Variants in SH2D4A observed in about 807,000 individuals in gnomAD.
SH2D4A encodes SH2 domain containing 4A, also known as SH2 domain-containing protein 4A.
A neutral mutation model predicts 64.7 loss-of-function variants in SH2D4A; 70 were observed. That is an observed-to-expected ratio of 1.08 (90% CI 0.89 to 1.32). The LOEUF is 1.32. Among genes scored for constraint, SH2D4A ranks in the 40% most tolerant of loss-of-function variants. The pLI, the probability that SH2D4A is intolerant of heterozygous loss-of-function variation, is 0.00. For missense variants in SH2D4A, 706 were observed against 540.1 expected (o/e 1.31, Z -3.04); for synonymous variants, 268 against 200.7 (o/e 1.34, Z -2.83).
chr8:19,343,222 C>G (rs185817678), intron 4 of SH2D4A, among the ~76,000 whole-genome samples: 2 of 151,982 alleles, frequency 1.3e-5, no homozygotes, highest in East Asian at 1.9e-4. Flanking sequence ...CCCAAGATTT[C>G]GAGACCAGCC....
At chr8:19,346,121 A>G (rs1188587549) in intron 4 of SH2D4A, among the ~76,000 whole-genome samples, 4 of 152,264 alleles carry the variant, frequency 2.6e-5, no homozygotes, top group Non-Finnish European at 4.4e-5. Context: ...CCTGGAAACC[A>G]TAGCACCCAA....
intron 8 of SH2D4A, among the ~76,000 whole-genome samples, chr8:19,380,048 C>G (rs563485467): frequency 6.6e-6 from 1 of 152,164 alleles, no homozygotes; most frequent in South Asian, 2.1e-4. Context: ...CTTTTTTTCT[C>G]TCTCTCTTTC....
At chr8:19,381,299 T>C (rs1245352162) in intron 8 of SH2D4A, among the ~76,000 whole-genome samples, 2 of 152,076 alleles carry the variant, frequency 1.3e-5, no homozygotes, top group African/African-American at 4.8e-5. Context: ...ATCCACCTGC[T>C]TCAGCCTCCC....
At chr8:19,393,582 G>A in intron 9 of SH2D4A, 41 bp downstream of exon 9, 1 of 1,587,112 alleles carries the variant, frequency 6.3e-7, no homozygotes, top group Non-Finnish European at 8.6e-7. Context: ...CTGAGTTACT[G>A]TCCTGTAGCA....
At position 19,394,715 on chromosome 8, in the gene SH2D4A, G is replaced by T; in HGVS notation, c.*73G>T. 2 of 1,196,934 alleles carry T rather than the reference G, an allele frequency of 1.7e-6. No individual in the cohort carries two copies. Among genetic ancestry groups the T allele is most frequent in the Non-Finnish European group, 2.3e-6 (2 of 852,358 alleles). The allele number at this position is 1,196,934 out of a possible 1,614,324, so 74.1% of individuals were successfully genotyped here. A position where few individuals can be genotyped will look rare whatever the true frequency, so the allele number is the denominator to read the frequency against. On this transcript the variant is annotated 3_prime_UTR_variant, in exon 10 of 10. Coordinates refer to ENST00000265807, the MANE Select transcript of SH2D4A (RefSeq NM_022071.4). ...GGACAAATGCCACTGCAACATTTATGTGTGAAGCCAAAATCACCCTGCAGC... is the reference window on the plus strand; with the variant it reads ...GGACAAATGCCACTGCAACATTTATTTGTGAAGCCAAAATCACCCTGCAGC...
At position 19,319,309 on chromosome 8, in the gene SH2D4A, C is replaced by T. The variant is rs375099786; in HGVS notation, c.-204-35C>T. On this transcript the variant is annotated intron_variant, in intron 1 of 9. Coordinates refer to ENST00000265807, the MANE Select transcript of SH2D4A (RefSeq NM_022071.4). Reference sequence around the variant, plus strand: ...CCTAGCCAGTGTCCACACATTTTAACACGCTGCCTGAATGTGGGCTCTTTC... The same window carrying T: ...CCTAGCCAGTGTCCACACATTTTAATACGCTGCCTGAATGTGGGCTCTTTC... 164 of 1,173,852 alleles carry T rather than the reference C, an allele frequency of 1.4e-4. No homozygotes were observed. In the African/African-American group the frequency reaches 2.4e-3, roughly 17 times the overall value. The allele number at this position is 1,173,852 out of a possible 1,614,324, so 72.7% of individuals were successfully genotyped here.
At chr8:19,337,347 T>A (rs1487526263) in intron 4 of SH2D4A, among the ~76,000 whole-genome samples, 1 of 152,180 alleles carries the variant, frequency 6.6e-6, no homozygotes, top group Non-Finnish European at 1.5e-5. Flanking sequence ...AAGTTGTGTA[T>A]ATGTCACTAT....
intron 6 of SH2D4A, among the ~76,000 whole-genome samples, chr8:19,361,831 A>G (rs1181760295): frequency 1.3e-5 from 2 of 152,114 alleles, no homozygotes; most frequent in East Asian, 3.9e-4. Flanking sequence ...AATTTTTGAT[A>G]GTGAATACAT....
chr8:19,389,421 A>G (rs1421644862), intron 8 of SH2D4A, among the ~76,000 whole-genome samples: 2 of 152,208 alleles, frequency 1.3e-5, no homozygotes, highest in African/African-American at 4.8e-5. Flanking sequence ...TTCAGAGTTC[A>G]GTAGCACATG....
chr8:19,354,034 A>C lies in SH2D4A; in HGVS notation c.514-3169A>C, dbSNP rs898449028. ...TTTGACACGGAGTCTCACGGTCACC[A>C]GGCTAGAGTTCAGTGGCACAATCTT... On this transcript the variant is annotated intron_variant, in intron 4 of 9. Transcript: ENST00000265807. Among the ~76,000 whole-genome samples the C allele has an allele frequency of 2.7e-5, 4 of 146,686 alleles. No individual in the cohort carries two copies. The Admixed American group carries it at 2.8e-4, about 10-fold the overall frequency.
chr8:19,363,913 T>C, intron 6 of SH2D4A, 159 bp from the exon 7 acceptor site: 2 of 672,574 alleles, frequency 3.0e-6, no homozygotes, highest in East Asian at 2.7e-5. Context: ...CAAGCCCTAA[T>C]GGCCTGGATC....
intron 8 of SH2D4A, among the ~76,000 whole-genome samples, chr8:19,376,681 T>C (rs2053201608): frequency 6.6e-6 from 1 of 152,032 alleles, no homozygotes; most frequent in Non-Finnish European, 1.5e-5. Context: ...CCCAGAGACA[T>C]CCAGAATAAC....
intron 4 of SH2D4A, 97 bp downstream of exon 4, chr8:19,334,954 T>G: frequency 7.3e-7 from 1 of 1,366,552 alleles, no homozygotes; most frequent in Non-Finnish European, 9.8e-7. Flanking sequence ...GTCAGGATCC[T>G]CCAGTGGCTT....
At chr8:19,347,018 T>C (rs1025606399) in intron 4 of SH2D4A, among the ~76,000 whole-genome samples, 1 of 152,060 alleles carries the variant, frequency 6.6e-6, no homozygotes, top group Non-Finnish European at 1.5e-5. Flanking sequence ...TAGAACTGAG[T>C]ATATGGTTTT....
chr8:19,368,809 T>C (rs1364126294), intron 7 of SH2D4A, among the ~76,000 whole-genome samples: 1 of 152,142 alleles, frequency 6.6e-6, no homozygotes, highest in Non-Finnish European at 1.5e-5. Flanking sequence ...CTTTTCCAAT[T>C]TGGATGTGCT....
At chr8:19,324,159 G>A (rs2117184191) in intron 2 of SH2D4A, among the ~76,000 whole-genome samples, 1 of 152,256 alleles carries the variant, frequency 6.6e-6, no homozygotes, top group South Asian at 2.1e-4. Flanking sequence ...CTTCTTGGGT[G>A]ATTTTATTGG....
intron 8 of SH2D4A, among the ~76,000 whole-genome samples, chr8:19,391,314 T>G (rs1004532559): frequency 5.9e-5 from 9 of 152,202 alleles, no homozygotes; most frequent in African/African-American, 1.7e-4. Flanking sequence ...TTAGCCATGA[T>G]TTGAGTACCT....
intron 9 of SH2D4A, among the ~76,000 whole-genome samples, chr8:19,394,123 A>G (rs953510224): frequency 6.6e-6 from 1 of 152,178 alleles, no homozygotes; most frequent in East Asian, 1.9e-4. Flanking sequence ...CCTCCCATGC[A>G]CAGTTCACAA....
chr8:19,324,306 C>T lies in SH2D4A; in HGVS notation c.181+4578C>T, dbSNP rs117480081. On this transcript the variant is annotated intron_variant, in intron 2 of 9. Coordinates refer to ENST00000265807, the MANE Select transcript of SH2D4A (RefSeq NM_022071.4). ...TGTGCAAGGTGCGGAAGGGGCTCCT[C>T]TGTGTGCCCTTGAAACAGACTTGGA... 1.2e-4 allele frequency among the ~76,000 whole-genome samples: 18 copies of T among 152,346 alleles called. No individual in the cohort carries two copies. The East Asian group carries it at 3.1e-3, about 26-fold the overall frequency.
Sources: allele counts gnomAD v4.1 joint callset (sites outside exome capture counted in the v4.1 genomes callset), GRCh38; gene constraint gnomAD v4.1.1; transcripts MANE v1.5; gene names NCBI Gene and HGNC (gene_info 2026-07-23, HGNC 2026-07-21).